Variants in TBX21 observed in about 807,000 individuals in gnomAD.
The protein encoded by TBX21 is T-box transcription factor TBX21.
Under a neutral mutation model 52.2 loss-of-function variants are expected in TBX21, and 11 were observed. The observed-to-expected ratio is 0.21, with a 90% CI of 0.13 to 0.35. The LOEUF is 0.35. Among genes scored for constraint, TBX21 ranks in the 10% least tolerant of loss-of-function variants. The pLI, the probability that TBX21 is intolerant of heterozygous loss-of-function variation, is 1.00. For missense variants in TBX21, 625 were observed against 755.1 expected (o/e 0.83, Z 2.02); for synonymous variants, 300 against 316.1 (o/e 0.95, Z 0.54).
chr17:47,734,604 TGTGTGTATGTGTGTGTGG>T (rs1219723572), intron 1 of TBX21, among the ~76,000 whole-genome samples: 3,710 of 117,620 alleles, frequency 0.032, 78 homozygotes, highest in South Asian at 0.097. Flanking sequence ...TGTGTGTGTG[TGTGTGTATGTGTGTGTGG>T]GTGTGTGTGT....
intron 2 of TBX21, 26 bp from the exon 3 acceptor site, chr17:47,743,045 A>T: frequency 6.2e-7 from 1 of 1,613,198 alleles, no homozygotes; most frequent in Non-Finnish European, 8.5e-7. Context: ...CGGGGGCTGC[A>T]TGTCAAAGAG....
rs2032169412 is a variant in TBX21, at chr17:47,733,734, C to T, written c.280C>T (p.Pro94Ser). ...CTTCCCCGGCGCGGGCGAGTCCTTCCCGCCGCCCGCGGACGCCGAGGGCTA... is the reference window on the plus strand; with the variant it reads ...CTTCCCCGGCGCGGGCGAGTCCTTCTCGCCGCCCGCGGACGCCGAGGGCTA... Reference protein sequence around the residue: ...AGFPGAGESFPPPADAEGYQP... With the variant: ...AGFPGAGESFSPPADAEGYQP... The change falls in exon 1 of 6, where the codon CCG becomes TCG. Residue 94 changes from proline (P) to serine (S), a missense_variant. This residue lies in a region of TBX21 where 221 missense variants were observed against 204.9 expected (regional missense o/e 1.08). Coordinates refer to ENST00000177694, the MANE Select transcript of TBX21 (RefSeq NM_013351.2). This position sits in a 1 kb window ranked among gnomAD's most constrained non-coding sequence, Gnocchi z 6.6. 1.4e-6 allele frequency: 2 copies of T among 1,440,136 alleles called. No individual in the cohort carries two copies. 89.2% of individuals were successfully genotyped at this position (1,440,136 alleles called of 1,614,324 possible). A position where few individuals can be genotyped will look rare whatever the true frequency, so the allele number is the denominator to read the frequency against.
rs998732922 is a variant in TBX21, at chr17:47,743,117, C to T, written c.693C>T (p.His231=). Residue 231 remains histidine (H), a synonymous_variant, in exon 3 of 6, where the codon CAC becomes CAT. Transcript: ENST00000177694. ...CGGACTCCCCCAACACAGGAGCGCA[C>T]TGGATGCGCCAGGAAGTTTCATTTG... ...VHPDSPNTGA[H]WMRQEVSFGK... 2.4e-5 allele frequency: 39 copies of T among 1,614,196 alleles called. No individual in the cohort carries two copies. The highest frequency in any genetic ancestry group is 3.1e-5 in the Non-Finnish European group (37 of 1,180,036).
intron 1 of TBX21, among the ~76,000 whole-genome samples, chr17:47,734,602 T>TGTGTGTGTGTGTGTGTGTGG (rs1567918935): frequency 1.7e-5 from 2 of 120,234 alleles, no homozygotes; most frequent in African/African-American, 6.3e-5. Flanking sequence ...TGTGTGTGTG[T>TGTGTGTGTGTGTGTGTGTGG]GTGTGTGTAT....
chr17:47,743,892 A>G (rs1597985935), intron 3 of TBX21, among the ~76,000 whole-genome samples: 1 of 149,030 alleles, frequency 6.7e-6, no homozygotes, highest in African/African-American at 2.5e-5. Flanking sequence ...AAAAAAAAAA[A>G]AAAGAAAAAA....
At chr17:47,736,298 C>T (rs992529274) in intron 1 of TBX21, among the ~76,000 whole-genome samples, 2 of 152,142 alleles carry the variant, frequency 1.3e-5, no homozygotes, top group African/African-American at 2.4e-5. Flanking sequence ...ATCCTCACTT[C>T]GCTTCTTCTG....
intron 1 of TBX21, among the ~76,000 whole-genome samples, chr17:47,734,581 G>A (rs1009156350): frequency 5.2e-5 from 7 of 135,242 alleles, no homozygotes; most frequent in South Asian, 2.7e-4. Context: ...GTGTGTGTGT[G>A]TGTGTGTGTG....
At chr17:47,739,912 A>G (rs1419355232) in intron 1 of TBX21, among the ~76,000 whole-genome samples, 2 of 151,960 alleles carry the variant, frequency 1.3e-5, no homozygotes, top group Non-Finnish European at 2.9e-5. Context: ...CTAAAAAAAA[A>G]GAAAGAAAAA....
chr17:47,734,524 T>G (rs2032180534), intron 1 of TBX21, among the ~76,000 whole-genome samples: 1 of 150,936 alleles, frequency 6.6e-6, no homozygotes, highest in Non-Finnish European at 1.5e-5. Context: ...CCAAGTTTCC[T>G]TTCCGGTCTT....
At chr17:47,741,266 T>C (rs1192026408) in intron 1 of TBX21, among the ~76,000 whole-genome samples, 1 of 151,780 alleles carries the variant, frequency 6.6e-6, no homozygotes, top group South Asian at 2.1e-4. Flanking sequence ...GAGGGGGCAG[T>C]TGTAGTGACG....
At chr17:47,734,337 G>C (rs1289919481) in intron 1 of TBX21, among the ~76,000 whole-genome samples, 1 of 152,094 alleles carries the variant, frequency 6.6e-6, no homozygotes, top group African/African-American at 2.4e-5. Context: ...CTCCTGTGTG[G>C]GAAACTGGAG....
At chr17:47,744,447 C>G in intron 4 of TBX21, 35 bp from the exon 5 acceptor site, 3 of 1,614,084 alleles carry the variant, frequency 1.9e-6, no homozygotes, top group Non-Finnish European at 2.5e-6. Context: ...GCCCCAGACT[C>G]AGGACTCAGG....
chr17:47,745,295 T>TC lies in TBX21; in HGVS notation c.1541dup (p.Ala515CysfsTer8). The TC allele has an allele frequency of 6.2e-7, 1 of 1,613,892 alleles. No individual in the cohort carries two copies. The highest frequency in any genetic ancestry group is 1.1e-5 in the South Asian group (1 of 91,056). On this transcript the variant is annotated frameshift_variant, in exon 6 of 6. Coordinates refer to ENST00000177694, the MANE Select transcript of TBX21 (RefSeq NM_013351.2). LOFTEE classifies it high-confidence loss of function. Reference sequence around the variant, plus strand: ...CTATCCTTCCAGTGGTGACAGCTCCTCCCCTGCTGGGGCCCCTTCTCCTTT... The same window carrying TC: ...CTATCCTTCCAGTGGTGACAGCTCCTCCCCCTGCTGGGGCCCCTTCTCCTTT...
At chr17:47,735,518 G>C (rs562093773) in intron 1 of TBX21, among the ~76,000 whole-genome samples, 1 of 152,224 alleles carries the variant, frequency 6.6e-6, no homozygotes, top group Non-Finnish European at 1.5e-5. Context: ...GCACAGACAG[G>C]GAAACAGGCC....
chr17:47,736,881 G>A (rs970509907), intron 1 of TBX21, among the ~76,000 whole-genome samples: 2 of 151,982 alleles, frequency 1.3e-5, no homozygotes, highest in African/African-American at 4.8e-5. Flanking sequence ...CCCACCTCAG[G>A]CCCACCTACA....
At chr17:47,740,705 G>T (rs1434220480) in intron 1 of TBX21, among the ~76,000 whole-genome samples, 1 of 152,162 alleles carries the variant, frequency 6.6e-6, no homozygotes, top group African/African-American at 2.4e-5. Context: ...ACTCCAGCCT[G>T]CATGACAGAG....
chr17:47,744,358 G>C lies in TBX21; in HGVS notation c.927+5G>C. 7.4e-6 allele frequency: 12 copies of C among 1,614,210 alleles called. No individual in the cohort carries two copies. Among genetic ancestry groups the C allele is most frequent in the Non-Finnish European group, 1.0e-5 (12 of 1,180,026 alleles). On this transcript the variant is annotated splice_donor_5th_base_variant and intron_variant, in intron 4 of 5. Coordinates refer to ENST00000177694, the MANE Select transcript of TBX21 (RefSeq NM_013351.2). ...ACTGCCTACCAGAATGCCGAGGTGAGGGCTGCCTGAGCCCCGGTGGGGAGG... is the reference window on the plus strand; with the variant it reads ...ACTGCCTACCAGAATGCCGAGGTGACGGCTGCCTGAGCCCCGGTGGGGAGG...
rs1407993193 is a variant in TBX21, at chr17:47,745,515, G to T, written c.*149G>T. On this transcript the variant is annotated 3_prime_UTR_variant, in exon 6 of 6. Coordinates refer to ENST00000177694, the MANE Select transcript of TBX21 (RefSeq NM_013351.2). Reference sequence around the variant, plus strand: ...TGGTTGGGGAAGTGGGGCTCAAGAAGGATTTTGGGGTTCACCAGATGCTTC... The same window carrying T: ...TGGTTGGGGAAGTGGGGCTCAAGAATGATTTTGGGGTTCACCAGATGCTTC... 7.8e-6 allele frequency: 9 copies of T among 1,156,418 alleles called. No individual in the cohort carries two copies. Among genetic ancestry groups the T allele is most frequent in the African/African-American group, 3.1e-5 (2 of 64,748 alleles). The allele number at this position is 1,156,418 out of a possible 1,614,324, so 71.6% of individuals were successfully genotyped here. A position where few individuals can be genotyped will look rare whatever the true frequency, so the allele number is the denominator to read the frequency against.
intron 1 of TBX21, among the ~76,000 whole-genome samples, chr17:47,735,535 T>C (rs955297549): frequency 1.1e-4 from 16 of 152,226 alleles, no homozygotes; most frequent in African/African-American, 3.1e-4. Flanking sequence ...GGCCCAGAGA[T>C]AGCAAGAGAC....
Sources: gnomAD v4.1 joint callset for allele counts (sites outside exome capture counted in the v4.1 genomes callset) on GRCh38, gnomAD v4.1.1 for gene constraint, gnomAD v4.1.1 regional missense constraint, Gnocchi (gnomAD v3.1) non-coding constraint, MANE v1.5 for transcripts, NCBI Gene and HGNC (gene_info 2026-07-23, HGNC 2026-07-21) for gene names.